The following FARS2 variants were observed in gnomAD, a reference collection of about 807,000 sequenced individuals.
FARS2 encodes the protein phenylalanyl-tRNA synthetase 2, mitochondrial.
A neutral mutation model predicts 46.4 loss-of-function variants in FARS2; 40 were observed. The ratio of observed to expected loss-of-function variants is 0.86; its 90% CI spans 0.67 to 1.12. The LOEUF is 1.12. FARS2 is among the 50% of genes most tolerant of loss of function. FARS2 has a pLI of 0.00. For missense variants in FARS2, 513 were observed against 567.9 expected, an observed-to-expected ratio of 0.90 and a Z score of 0.98; for synonymous variants, 234 against 214.9, an observed-to-expected ratio of 1.09 and a Z score of -0.78.
intron 6 of FARS2, among the ~76,000 whole-genome samples, chr6:5,651,179 T>G (rs1259770289): frequency 6.6e-6 from 1 of 152,130 alleles, no homozygotes; most frequent in Non-Finnish European, 1.5e-5. Context: ...AGTGGAGCAG[T>G]TAGGTTTCAG....
chr6:5,754,212 T>A (rs1240124022), intron 6 of FARS2, among the ~76,000 whole-genome samples: 1 of 152,210 alleles, frequency 6.6e-6, no homozygotes, highest in Non-Finnish European at 1.5e-5. Context: ...CTTGCCACAG[T>A]GGAATCACCT....
chr6:5,684,820 G>T (rs1201045095), intron 6 of FARS2, among the ~76,000 whole-genome samples: 10 of 152,160 alleles, frequency 6.6e-5, no homozygotes, highest in Admixed American at 6.5e-5. Context: ...TATTATGTTT[G>T]TGAAAGGACT....
At chr6:5,531,776 G>A (rs1166401712) in intron 4 of FARS2, among the ~76,000 whole-genome samples, 1 of 152,188 alleles carries the variant, frequency 6.6e-6, no homozygotes, top group Non-Finnish European at 1.5e-5. Context: ...TTCAAGTATC[G>A]TGACTGGAAA....
intron 4 of FARS2, among the ~76,000 whole-genome samples, chr6:5,534,240 A>G (rs916680276): frequency 7.1e-6 from 1 of 141,800 alleles, no homozygotes; most frequent in Non-Finnish European, 1.6e-5. Flanking sequence ...AATTTTAAAT[A>G]TCTACATCCT....
intron 1 of FARS2, among the ~76,000 whole-genome samples, chr6:5,341,225 ATATATATATATTT>A (rs1196666920): frequency 6.2e-4 from 3 of 4,870 alleles, no homozygotes; most frequent in East Asian, 9.8e-3. Flanking sequence ...ATATATATAT[ATATATATATATTT>A]TTTTTTTTTT....
chr6:5,747,607 CAGG>C (rs1209712341), intron 6 of FARS2, among the ~76,000 whole-genome samples: 1 of 152,152 alleles, frequency 6.6e-6, no homozygotes, highest in Non-Finnish European at 1.5e-5. Flanking sequence ...TGCCAGATGG[CAGG>C]AGTTGTTGGG....
Position 5,412,727 on chromosome 6 carries a change from G to T in FARS2, c.772+8026G>T, listed in dbSNP as rs537155214. On this transcript the variant is annotated intron_variant, in intron 3 of 6. Coordinates refer to ENST00000274680, the MANE Select transcript of FARS2 (RefSeq NM_006567.5). ...CCTAAATGGAATCACATCAAAAATT[G>T]TAAGTGTGTATCACTTTATTAATTT... Among the ~76,000 whole-genome samples, 3 of 152,310 alleles carry T rather than the reference G, an allele frequency of 2.0e-5. No individual in the cohort carries two copies. The South Asian group carries it at 6.2e-4, about 32-fold the overall frequency.
At chr6:5,346,668 C>T (rs1757249625) in intron 1 of FARS2, among the ~76,000 whole-genome samples, 1 of 152,102 alleles carries the variant, frequency 6.6e-6, no homozygotes, top group Admixed American at 6.5e-5. Flanking sequence ...GTATAGCCGC[C>T]ACCTCGATTC....
chr6:5,655,597 C>T (rs1430808842), intron 6 of FARS2, among the ~76,000 whole-genome samples: 1 of 152,216 alleles, frequency 6.6e-6, no homozygotes, highest in Non-Finnish European at 1.5e-5. Context: ...GTGGCCCCTT[C>T]CTCACATCTC....
At chr6:5,464,688 A>G (rs779450797) in intron 4 of FARS2, among the ~76,000 whole-genome samples, 7 of 152,156 alleles carry the variant, frequency 4.6e-5, no homozygotes, top group South Asian at 2.1e-4. Context: ...GTATTTTCCT[A>G]TAACTGTGAA....
intron 1 of FARS2, among the ~76,000 whole-genome samples, chr6:5,275,386 C>T (rs1766265074): frequency 6.6e-6 from 1 of 152,054 alleles, no homozygotes; most frequent in Non-Finnish European, 1.5e-5. Flanking sequence ...TTGTTCTTTA[C>T]CTTAACTTTT....
intron 5 of FARS2, among the ~76,000 whole-genome samples, chr6:5,566,423 G>A (rs1311377814): frequency 6.6e-6 from 1 of 152,128 alleles, no homozygotes; most frequent in African/African-American, 2.4e-5. Context: ...ACAGAACAGA[G>A]CCGTTGATTT....
At chr6:5,432,609 C>T (rs1763291648) in intron 4 of FARS2, among the ~76,000 whole-genome samples, 1 of 146,288 alleles carries the variant, frequency 6.8e-6, no homozygotes, top group South Asian at 2.1e-4. Flanking sequence ...ACTACATAAG[C>T]AGTGAGCACC....
At chr6:5,444,704 T>A (rs758983156) in intron 4 of FARS2, among the ~76,000 whole-genome samples, 4 of 152,180 alleles carry the variant, frequency 2.6e-5, no homozygotes, top group South Asian at 2.1e-4. Flanking sequence ...GATGGATGGC[T>A]GTGTGGGTGG....
chr6:5,467,094 TTTA>T (rs1342758233), intron 4 of FARS2: 23 of 985,062 alleles, frequency 2.3e-5, no homozygotes, highest in Non-Finnish European at 4.8e-6. Context: ...CACTTCCCGA[TTTA>T]TTGGTTGTTG....
At chr6:5,620,927 T>C (rs962471975) in intron 6 of FARS2, among the ~76,000 whole-genome samples, 1 of 152,264 alleles carries the variant, frequency 6.6e-6, no homozygotes, top group Non-Finnish European at 1.5e-5. Flanking sequence ...CATCCTTCTT[T>C]ATTTTCTCTT....
At chr6:5,278,021 A>G (rs980071424) in intron 1 of FARS2, among the ~76,000 whole-genome samples, 10 of 152,152 alleles carry the variant, frequency 6.6e-5, no homozygotes, top group Admixed American at 1.3e-4. Flanking sequence ...TTCTCCTTAA[A>G]GTATACTTCA....
chr6:5,539,406 A>ATATATTT (rs1226634056), intron 4 of FARS2, among the ~76,000 whole-genome samples: 2 of 144,848 alleles, frequency 1.4e-5, no homozygotes, highest in African/African-American at 5.2e-5. Flanking sequence ...ATATGTATAT[A>ATATATTT]TTTTTTTAGT....
chr6:5,366,103 A>G (rs1758658406), intron 1 of FARS2, among the ~76,000 whole-genome samples: 1 of 152,192 alleles, frequency 6.6e-6, no homozygotes, highest in Admixed American at 6.5e-5. Context: ...TGCACAGTTC[A>G]ATCCATGTTG....
Sources: allele counts gnomAD v4.1 joint callset (sites outside exome capture counted in the v4.1 genomes callset), GRCh38; gene constraint gnomAD v4.1.1; transcripts MANE v1.5; gene names NCBI Gene and HGNC (gene_info 2026-07-23, HGNC 2026-07-21).